JAKMIP3: variants seen among roughly 807,000 people sequenced by gnomAD.
JAKMIP3 encodes the protein janus kinase and microtubule-interacting protein 3.
Under a neutral mutation model 118.5 loss-of-function variants are expected in JAKMIP3, and 58 were observed. That is an observed-to-expected ratio of 0.49 (90% CI 0.40 to 0.61). The LOEUF (loss-of-function observed/expected upper bound fraction) is 0.61. Among genes scored for constraint, JAKMIP3 ranks in the 20% least tolerant of loss-of-function variants. The pLI, the probability that JAKMIP3 is intolerant of heterozygous loss-of-function variation, is 0.00. For synonymous variants in JAKMIP3, 486 were observed against 451.2 expected, an observed-to-expected ratio of 1.08 and a Z score of -0.98; for missense variants, 950 against 1,109.0, an observed-to-expected ratio of 0.86 and a Z score of 2.04.
rs376367341 is a variant in JAKMIP3 at position 132,058,226 on chromosome 10, CTGGTG to C, written c.-138+21489_-138+21493del. On this transcript the variant is annotated intron_variant, in intron 1 of 23. Transcript: ENST00000657785. ...GACTTTGGAACGAGGCTGCTTTCATCTGGTGATGGATTCATTTGGCACCCATGGGT... is the reference window on the plus strand; with the variant it reads ...GACTTTGGAACGAGGCTGCTTTCATCATGGATTCATTTGGCACCCATGGGT... 2.4e-3 allele frequency among the ~76,000 whole-genome samples: 365 copies of C among 152,328 alleles called. 2 individuals carry two copies. Among genetic ancestry groups the C allele is most frequent in the African/African-American group, 8.3e-3 (345 of 41,568 alleles).
At chr10:132,165,934 G>A (rs1435242627) in intron 21 of JAKMIP3, among the ~76,000 whole-genome samples, 3 of 152,266 alleles carry the variant, frequency 2.0e-5, no homozygotes, top group African/African-American at 7.2e-5. Context: ...CAGTGTTCTG[G>A]GGGCTGGAGC....
intron 2 of JAKMIP3, among the ~76,000 whole-genome samples, chr10:132,114,073 G>A (rs1171311247): frequency 6.6e-6 from 1 of 152,236 alleles, no homozygotes; most frequent in African/African-American, 2.4e-5. Context: ...TCTCTGTGAG[G>A]AGACTGTGTC....
At position 132,090,754 on chromosome 10, in the gene JAKMIP3, A is replaced by G. The variant is rs1438832783; in HGVS notation, c.-137-13918A>G. On this transcript the variant is annotated intron_variant, in intron 1 of 23. Transcript: ENST00000684848. ...TTTCTTGCCTTCTGATAGCTTTTGAATGTGTTTGCCCTTGCTTCTCTAGTT... is the reference window on the plus strand; with the variant it reads ...TTTCTTGCCTTCTGATAGCTTTTGAGTGTGTTTGCCCTTGCTTCTCTAGTT... 5.9e-5 allele frequency among the ~76,000 whole-genome samples: 9 copies of G among 152,156 alleles called. No individual in the cohort carries two copies. The East Asian group carries it at 1.7e-3, about 29-fold the overall frequency.
intron 1 of JAKMIP3, among the ~76,000 whole-genome samples, chr10:132,089,066 T>G (rs2042782534): frequency 6.6e-6 from 1 of 152,198 alleles, no homozygotes; most frequent in South Asian, 2.1e-4. Flanking sequence ...CATTGGTCTA[T>G]ATCTCTGTTT....
At chr10:132,159,567 G>GT (rs142274337) in intron 19 of JAKMIP3, among the ~76,000 whole-genome samples, 1 of 107,168 alleles carries the variant, frequency 9.3e-6, no homozygotes, top group Non-Finnish European at 1.9e-5. Context: ...ATGCTGGGGG[G>GT]GCGTGTCTCC....
chr10:132,180,718 T>C (rs112812039), intron 23 of JAKMIP3, among the ~76,000 whole-genome samples: 746 of 18,750 alleles, frequency 0.04, 174 homozygotes, highest in African/African-American at 0.1. Flanking sequence ...CGCGTGTGTG[T>C]GCGTGTGTGT....
chr10:132,040,223 T>C (rs2037687746), intron 1 of JAKMIP3, among the ~76,000 whole-genome samples: 2 of 152,122 alleles, frequency 1.3e-5, no homozygotes, highest in South Asian at 4.1e-4. Context: ...TCGGGCTCTC[T>C]CCACAGGGCA....
rs117112816 is a variant in JAKMIP3 at position 132,165,852 on chromosome 10, C to T, written c.2490+1117C>T. Among the ~76,000 whole-genome samples the T allele has an allele frequency of 5.3e-5, 8 of 152,344 alleles. No homozygotes were observed. In the East Asian group the frequency reaches 5.8e-4, roughly 11 times the overall value. ...ACTCAAGGCACAGCCTTTGAGGCCC[C>T]GGTGGACTCCAGGCCACGTGGGGAA... On this transcript the variant is annotated intron_variant, in intron 21 of 23. Coordinates refer to ENST00000684848, the MANE Select transcript of JAKMIP3 (RefSeq NM_001323087.2).
At chr10:132,042,914 A>G (rs1396308344) in intron 1 of JAKMIP3, among the ~76,000 whole-genome samples, 2 of 126,344 alleles carry the variant, frequency 1.6e-5, no homozygotes, top group African/African-American at 6.4e-5. Flanking sequence ...TCATGGCAAG[A>G]CCCCATGTCT....
chr10:132,162,900 G>A (rs2058502960), intron 19 of JAKMIP3, among the ~76,000 whole-genome samples: 1 of 152,034 alleles, frequency 6.6e-6, no homozygotes, highest in Non-Finnish European at 1.5e-5. Context: ...ATCCCCACAG[G>A]CCACCTGCAG....
chr10:132,160,164 G>GTA (rs2057930707), intron 19 of JAKMIP3, among the ~76,000 whole-genome samples: 1 of 54,462 alleles, frequency 1.8e-5, no homozygotes. Flanking sequence ...ATGCTAGGGG[G>GTA]TCTCTTCCTG....
chr10:132,097,929 C>CCCTTTCTCTTT (rs1564892812), intron 1 of JAKMIP3, among the ~76,000 whole-genome samples: 1 of 23,524 alleles, frequency 4.3e-5, no homozygotes, highest in East Asian at 2.2e-3. Flanking sequence ...CCTTTCCTTC[C>CCCTTTCTCTTT]CCTTCCCCTT....
chr10:132,180,700 T>C (rs28374278), intron 23 of JAKMIP3, among the ~76,000 whole-genome samples: 400 of 18,284 alleles, frequency 0.022, 103 homozygotes, highest in African/African-American at 0.065. Context: ...TGCGTGCGTG[T>C]GTGTGTGCGC....
chr10:132,099,340 A>AC (rs2044464527), intron 1 of JAKMIP3, among the ~76,000 whole-genome samples: 1 of 152,170 alleles, frequency 6.6e-6, no homozygotes, highest in Non-Finnish European at 1.5e-5. Context: ...AAACGACTTT[A>AC]CCAGAGGTCA....
At chr10:132,167,153 C>A (rs141430338) in intron 22 of JAKMIP3, 98 bp downstream of exon 22, 22 of 829,798 alleles carry the variant, frequency 2.7e-5, no homozygotes, top group Non-Finnish European at 4.1e-5. Flanking sequence ...ACCTGCCATT[C>A]GATCAACTGG....
Position 132,112,397 on chromosome 10 carries a change from CGAG to C in JAKMIP3, c.136-4675_136-4673del, listed in dbSNP as rs1449257505. 6.6e-6 allele frequency among the ~76,000 whole-genome samples: 1 copy of C among 152,140 alleles called. No individual in the cohort carries two copies. Among genetic ancestry groups the C allele is most frequent in the Non-Finnish European group, 1.5e-5 (1 of 68,028 alleles). Reference sequence around the variant, plus strand: ...CAGCTGGGAAGCCCAGAGAGGGCAGCGAGGAGGCCATACTCTTGGACTTCACCC... The same window carrying C: ...CAGCTGGGAAGCCCAGAGAGGGCAGCGAGGCCATACTCTTGGACTTCACCC... On this transcript the variant is annotated intron_variant, in intron 2 of 23. Transcript: ENST00000684848. The surrounding 1 kb of genome is among the most constrained non-coding windows in gnomAD (Gnocchi z 4.3).
At chr10:132,063,236 A>G (rs573656375), upstream of JAKMIP3, among the ~76,000 whole-genome samples, 39 of 152,210 alleles carry the variant, frequency 2.6e-4, no homozygotes, top group Non-Finnish European at 4.0e-4. Context: ...GCCACGTGAG[A>G]CATAGAGACC....
At chr10:132,114,274 G>A (rs1475005627) in intron 2 of JAKMIP3, among the ~76,000 whole-genome samples, 4 of 152,240 alleles carry the variant, frequency 2.6e-5, no homozygotes, top group Non-Finnish European at 5.9e-5. Flanking sequence ...ATAGTGCAGT[G>A]GTGCGATCAC....
intron 3 of JAKMIP3, among the ~76,000 whole-genome samples, chr10:132,120,364 C>T (rs892679702): frequency 6.6e-6 from 1 of 152,142 alleles, no homozygotes; most frequent in Admixed American, 6.5e-5. Flanking sequence ...TGACTCGCCC[C>T]TTCCCCCAGG....
Sources: gnomAD v4.1 joint callset for allele counts (sites outside exome capture counted in the v4.1 genomes callset) on GRCh38, gnomAD v4.1.1 for gene constraint, Gnocchi (gnomAD v3.1) non-coding constraint, MANE v1.5 for transcripts, NCBI Gene and HGNC (gene_info 2026-07-23, HGNC 2026-07-21) for gene names.